The following SLC1A2 variants were observed in gnomAD, a reference collection of about 807,000 sequenced individuals.
SLC1A2 encodes the protein solute carrier family 1 member 2.
SLC1A2 carries 15 observed loss-of-function variants against 48.8 expected under a neutral mutation model. That is an observed-to-expected ratio of 0.31 (90% CI 0.21 to 0.47). The LOEUF (loss-of-function observed/expected upper bound fraction) is 0.47. SLC1A2 is among the 20% of genes least tolerant of loss of function. The pLI is 0.99. For missense variants in SLC1A2, 502 were observed against 730.5 expected, an observed-to-expected ratio of 0.69 and a Z score of 3.61; for synonymous variants, 279 against 272.6, an observed-to-expected ratio of 1.02 and a Z score of -0.23.
rs1180354382 is a variant in SLC1A2 at position 35,252,391 on chromosome 11, G to A, written c.*8503C>T. On this transcript the variant is annotated 3_prime_UTR_variant, in exon 11 of 11. Transcript: ENST00000278379. The stretch of plus-strand genomic sequence containing the variant: ...CTCTGAGCCCAATCCACCAAGCAAA[G>A]GAGGACTGTAGATGGATGTTCTCAT... 6.6e-6 allele frequency: 1 copy of A among 152,074 alleles called. No homozygotes were observed. Among genetic ancestry groups the A allele is most frequent in the Non-Finnish European group, 1.5e-5 (1 of 68,018 alleles). The allele number at this position is 152,074 out of a possible 1,614,324, so 9.4% of individuals were successfully genotyped here.
At chr11:35,403,337 G>C (rs140486291) in intron 1 of SLC1A2, among the ~76,000 whole-genome samples, 49 of 152,364 alleles carry the variant, frequency 3.2e-4, no homozygotes, top group African/African-American at 1.1e-3. Context: ...CTTAACTGCT[G>C]TGCAACACTG....
At chr11:35,358,329 C>T (rs1326987948) in intron 1 of SLC1A2, among the ~76,000 whole-genome samples, 1 of 152,074 alleles carries the variant, frequency 6.6e-6, no homozygotes, top group Non-Finnish European at 1.5e-5. Flanking sequence ...TTTAATACTG[C>T]TCTGCAATGA....
intron 1 of SLC1A2, among the ~76,000 whole-genome samples, chr11:35,348,195 C>G (rs1166833208): frequency 1.3e-5 from 2 of 152,000 alleles, no homozygotes; most frequent in Admixed American, 6.6e-5. Context: ...GGCCTGTCAA[C>G]TGGTGCAATG....
intron 1 of SLC1A2, among the ~76,000 whole-genome samples, chr11:35,364,494 A>G (rs1853779834): frequency 1.3e-5 from 2 of 152,248 alleles, no homozygotes; most frequent in Non-Finnish European, 2.9e-5. Flanking sequence ...GAATGTAACT[A>G]TCTACCTAAA....
intron 9 of SLC1A2, among the ~76,000 whole-genome samples, chr11:35,275,136 C>G (rs1351013874): frequency 6.6e-6 from 1 of 152,190 alleles, no homozygotes; most frequent in African/African-American, 2.4e-5. Flanking sequence ...AATGAATGCT[C>G]TATTCTCTCC....
intron 1 of SLC1A2, chr11:35,380,491 C>G: frequency 2.5e-6 from 1 of 398,446 alleles, no homozygotes; most frequent in Non-Finnish European, 4.4e-6. Context: ...CTGTGCGACT[C>G]CCTGGATTGG....
chr11:35,411,030 T>C (rs1855444648), intron 1 of SLC1A2, among the ~76,000 whole-genome samples: 1 of 152,184 alleles, frequency 6.6e-6, no homozygotes, highest in Admixed American at 6.5e-5. Flanking sequence ...AGATAATGAG[T>C]TCTACATTTG....
intron 1 of SLC1A2, among the ~76,000 whole-genome samples, chr11:35,348,328 A>G (rs1181714474): frequency 6.6e-6 from 1 of 152,188 alleles, no homozygotes; most frequent in Non-Finnish European, 1.5e-5. Context: ...GAAGCAGGCC[A>G]ATGGACACAC....
intron 1 of SLC1A2, among the ~76,000 whole-genome samples, chr11:35,364,749 GCACT>G (rs1246808888): frequency 6.6e-6 from 1 of 152,162 alleles, no homozygotes; most frequent in Non-Finnish European, 1.5e-5. Context: ...AACATCACCT[GCACT>G]CAATACAAGT....
At chr11:35,331,712 G>A (rs534211647) in intron 1 of SLC1A2, among the ~76,000 whole-genome samples, 9 of 152,216 alleles carry the variant, frequency 5.9e-5, no homozygotes, top group Admixed American at 5.2e-4. Flanking sequence ...TGGTGTTTGG[G>A]GAATATTTTA....
At chr11:35,333,410 C>T in intron 1 of SLC1A2, among the ~76,000 whole-genome samples, 1 of 133,138 alleles carries the variant, frequency 7.5e-6, no homozygotes, top group African/African-American at 3.3e-5. Context: ...GAATGAGACT[C>T]TGCCTCAGGA....
intron 9 of SLC1A2, among the ~76,000 whole-genome samples, chr11:35,269,592 C>T (rs923069647): frequency 1.3e-5 from 2 of 152,180 alleles, no homozygotes; most frequent in Admixed American, 6.5e-5. Flanking sequence ...AGTTTACAAA[C>T]GACTGCTTCT....
At chr11:35,334,920 G>T (rs1852570942) in intron 1 of SLC1A2, among the ~76,000 whole-genome samples, 1 of 152,028 alleles carries the variant, frequency 6.6e-6, no homozygotes, top group Non-Finnish European at 1.5e-5. Flanking sequence ...AGAAGTGACT[G>T]TTAGTCATTT....
intron 1 of SLC1A2, among the ~76,000 whole-genome samples, chr11:35,343,418 A>C (rs981759798): frequency 6.6e-6 from 1 of 152,142 alleles, no homozygotes; most frequent in South Asian, 2.1e-4. Flanking sequence ...AGAAATCTTC[A>C]CCTTTTTCCA....
At chr11:35,399,116 T>A (rs1462448805) in intron 1 of SLC1A2, among the ~76,000 whole-genome samples, 5 of 152,222 alleles carry the variant, frequency 3.3e-5, no homozygotes, top group South Asian at 2.1e-4. Context: ...TGGTTTGGAA[T>A]CTGTTCCTAC....
At chr11:35,279,708 G>A (rs564402965) in intron 9 of SLC1A2, among the ~76,000 whole-genome samples, 71 of 152,322 alleles carry the variant, frequency 4.7e-4, no homozygotes, top group Non-Finnish European at 7.5e-4. Context: ...TCGAATATCT[G>A]TCCATTTCTA....
chr11:35,412,979 G>A (rs545747312), intron 1 of SLC1A2, among the ~76,000 whole-genome samples: 6 of 152,208 alleles, frequency 3.9e-5, no homozygotes, highest in African/African-American at 1.4e-4. Context: ...AAGTGCTTTG[G>A]GGGGTGGGGG....
At chr11:35,297,341 C>A (rs934166115) in intron 6 of SLC1A2, among the ~76,000 whole-genome samples, 2 of 152,114 alleles carry the variant, frequency 1.3e-5, no homozygotes, top group Non-Finnish European at 2.9e-5. Context: ...CTGCCCCCAC[C>A]TTGCTCCATG....
At chr11:35,336,905 A>C (rs1852653947) in intron 1 of SLC1A2, among the ~76,000 whole-genome samples, 2 of 152,114 alleles carry the variant, frequency 1.3e-5, no homozygotes, top group African/African-American at 4.8e-5. Flanking sequence ...AGTAAACCAA[A>C]TCCCAAATTT....
Sources: allele counts gnomAD v4.1 joint callset (sites outside exome capture counted in the v4.1 genomes callset), GRCh38; gene constraint gnomAD v4.1.1; transcripts MANE v1.5; gene names NCBI Gene and HGNC (gene_info 2026-07-23, HGNC 2026-07-21).